CDC14A: variants seen among roughly 807,000 people sequenced by gnomAD.
CDC14A encodes the protein cell division cycle 14A, also known as dual specificity protein phosphatase CDC14A.
A neutral mutation model predicts 74.4 loss-of-function variants in CDC14A; 53 were observed. The ratio of observed to expected loss-of-function variants is 0.71; its 90% CI spans 0.57 to 0.89. The LOEUF (loss-of-function observed/expected upper bound fraction) is 0.89, where lower values mean the gene tolerates loss of function less well. CDC14A is among the 40% of genes least tolerant of loss of function. The probability of loss-of-function intolerance (pLI) is 0.00; values close to 1 mark genes in which losing one functional copy is unlikely to be tolerated. For missense variants in CDC14A, 646 were observed against 713.7 expected, an observed-to-expected ratio of 0.91 and a Z score of 1.08; for synonymous variants, 247 against 258.4, an observed-to-expected ratio of 0.96 and a Z score of 0.43.
intron 9 of CDC14A, among the ~76,000 whole-genome samples, chr1:100,464,906 A>C (rs1382469831): frequency 2.6e-5 from 4 of 150,966 alleles, no homozygotes; most frequent in Non-Finnish European, 5.9e-5. Flanking sequence ...TTATATTGCA[A>C]ATTTCTTTTC....
intron 3 of CDC14A, among the ~76,000 whole-genome samples, chr1:100,380,006 G>A (rs997805935): frequency 2.0e-5 from 3 of 152,140 alleles, no homozygotes; most frequent in Non-Finnish European, 2.9e-5. Flanking sequence ...TGGGGATCAC[G>A]TGAGATTTGG....
chr1:100,381,742 G>C (rs1571010422), intron 3 of CDC14A, among the ~76,000 whole-genome samples: 1 of 152,058 alleles, frequency 6.6e-6, no homozygotes, highest in African/African-American at 2.4e-5. Context: ...CATATGCTTA[G>C]ATTAAAAATC....
Position 100,455,445 on chromosome 1 carries a change from A to C in CDC14A, c.560A>C (p.Lys187Thr), listed in dbSNP as rs1666586580. The C allele has an allele frequency of 6.2e-7, 1 of 1,603,078 alleles. No homozygotes were observed. The highest frequency in any genetic ancestry group is 8.5e-7 in the Non-Finnish European group (1 of 1,177,172). Residue 187 changes from lysine (K) to threonine (T), a missense_variant, in exon 8 of 16, where the codon AAA becomes ACA. Lys to Thr is a moderately conservative substitution (Grantham distance 78). Coordinates refer to ENST00000336454, the MANE Select transcript of CDC14A (RefSeq NM_003672.4). ...GACTTCAACTGGATTGTTCCAGGAAAATTTTTAGCATTTAGTGGACCACAT... is the reference window on the plus strand; with the variant it reads ...GACTTCAACTGGATTGTTCCAGGAACATTTTTAGCATTTAGTGGACCACAT... ...NGDFNWIVPG[K>T]FLAFSGPHPK...
At chr1:100,348,249 T>C (rs1570920150), upstream of CDC14A, among the ~76,000 whole-genome samples, 1 of 135,906 alleles carries the variant, frequency 7.4e-6, no homozygotes, top group Admixed American at 8.3e-5. Flanking sequence ...GCCACTGCAC[T>C]CCAGCCTGGG....
chr1:100,491,450 A>C (rs1179134006), intron 11 of CDC14A, among the ~76,000 whole-genome samples: 1 of 149,712 alleles, frequency 6.7e-6, no homozygotes, highest in African/African-American at 2.4e-5. Flanking sequence ...TATGGTAAAC[A>C]TATCTCCATA....
At chr1:100,423,490 G>A (rs1662595437) in intron 4 of CDC14A, among the ~76,000 whole-genome samples, 1 of 152,102 alleles carries the variant, frequency 6.6e-6, no homozygotes, top group Non-Finnish European at 1.5e-5. Context: ...TGCCCCACAA[G>A]CATAAATTCT....
intron 10 of CDC14A, among the ~76,000 whole-genome samples, chr1:100,470,448 AAAAG>A (rs1209328799): frequency 2.6e-5 from 4 of 152,022 alleles, no homozygotes; most frequent in Non-Finnish European, 1.5e-5. Context: ...CAATGAAAAA[AAAAG>A]AAAGAAAAAA....
At chr1:100,352,479 G>A (rs1164895315), upstream of CDC14A, 3 of 1,024,928 alleles carry the variant, frequency 2.9e-6, no homozygotes, top group Non-Finnish European at 3.5e-6. Context: ...AGTAACTGCT[G>A]AAAGGAGGTG....
intron 7 of CDC14A, among the ~76,000 whole-genome samples, chr1:100,443,460 C>T (rs76889689): frequency 0.044 from 6,731 of 151,868 alleles, 342 homozygotes; most frequent in African/African-American, 0.12. Context: ...CTCAGCCTCC[C>T]AAGCAGCTGG....
At chr1:100,391,036 G>T (rs1202706590) in intron 4 of CDC14A, 1 of 589,584 alleles carries the variant, frequency 1.7e-6, no homozygotes, top group Non-Finnish European at 3.1e-6. Flanking sequence ...AGAGAATCTT[G>T]AAACTGCAAT....
chr1:100,504,094 C>G (rs1649024306), intron 15 of CDC14A, among the ~76,000 whole-genome samples: 1 of 152,108 alleles, frequency 6.6e-6, no homozygotes, highest in Admixed American at 6.5e-5. Context: ...GTTATGTGCC[C>G]TGTGCATGGC....
intron 4 of CDC14A, among the ~76,000 whole-genome samples, chr1:100,414,319 G>GAAAAC (rs1377737563): frequency 6.6e-6 from 1 of 152,044 alleles, no homozygotes; most frequent in Non-Finnish European, 1.5e-5. Context: ...AACAACAACA[G>GAAAAC]AAAACAAAAC....
intron 2 of CDC14A, among the ~76,000 whole-genome samples, chr1:100,364,584 G>T (rs1653309831): frequency 6.6e-6 from 1 of 152,064 alleles, no homozygotes; most frequent in South Asian, 2.1e-4. Flanking sequence ...GAAATCTGAG[G>T]GTTAGCCTTT....
chr1:100,369,343 G>A (rs952993412), intron 2 of CDC14A, among the ~76,000 whole-genome samples: 3 of 152,092 alleles, frequency 2.0e-5, no homozygotes, highest in South Asian at 2.1e-4. Flanking sequence ...TCTTGACCTC[G>A]TGATCCGCCC....
At chr1:100,431,744 G>C (rs1043168916) in intron 5 of CDC14A, among the ~76,000 whole-genome samples, 9 of 151,948 alleles carry the variant, frequency 5.9e-5, no homozygotes, top group Admixed American at 1.3e-4. Context: ...TAGTTGCCTG[G>C]GAGGTTTAGG....
chr1:100,509,022 C>T (rs1649479751), intron 15 of CDC14A, among the ~76,000 whole-genome samples: 1 of 152,150 alleles, frequency 6.6e-6, no homozygotes, highest in Non-Finnish European at 1.5e-5. Flanking sequence ...TCAGCTTTCC[C>T]CAACCAGCTT....
chr1:100,409,558 G>GGTAAGTACAGCCATTCC (rs1660399693), intron 4 of CDC14A, among the ~76,000 whole-genome samples: 1 of 152,186 alleles, frequency 6.6e-6, no homozygotes. Context: ...ACAGGCATTG[G>GGTAAGTACAGCCATTCC]GTAAGTACAG....
At chr1:100,475,869 G>A (rs1668840638) in intron 10 of CDC14A, among the ~76,000 whole-genome samples, 1 of 152,164 alleles carries the variant, frequency 6.6e-6, no homozygotes, top group Non-Finnish European at 1.5e-5. Context: ...TTAGTGAGGA[G>A]TGGGGCCGAA....
intron 15 of CDC14A, among the ~76,000 whole-genome samples, chr1:100,505,680 T>C (rs1280842160): frequency 6.6e-6 from 1 of 152,254 alleles, no homozygotes; most frequent in Non-Finnish European, 1.5e-5. Context: ...CTTGTTGTCT[T>C]TTCCCTCTGC....
Sources: gnomAD v4.1 joint callset for allele counts (sites outside exome capture counted in the v4.1 genomes callset) on GRCh38, gnomAD v4.1.1 for gene constraint, MANE v1.5 for transcripts, NCBI Gene and HGNC (gene_info 2026-07-23, HGNC 2026-07-21) for gene names.